The following CDK6 variants were observed in gnomAD, a reference collection of about 807,000 sequenced individuals.
CDK6 encodes the protein cyclin dependent kinase 6.
In CDK6, 6 loss-of-function variants were observed where a neutral mutation model predicts 37.1. The ratio of observed to expected loss-of-function variants is 0.16; its 90% confidence interval spans 0.09 to 0.32. The LOEUF (loss-of-function observed/expected upper bound fraction) is 0.32, where lower values mean the gene tolerates loss of function less well. Ranked by LOEUF, CDK6 falls within the 10% of genes least tolerant of loss-of-function variation. CDK6 has a pLI of 1.00. For synonymous variants in CDK6, 160 were observed against 161.3 expected (o/e 0.99, Z 0.06); for missense variants, 224 against 418.9 (o/e 0.53, Z 4.06).
rs1373837853 is a variant in CDK6, at chr7:92,779,541, A to T, written c.234-4710T>A. Among the ~76,000 whole-genome samples, 3 of 152,194 alleles carry T rather than the reference A, an allele frequency of 2.0e-5. No homozygotes were observed. The East Asian group carries it at 5.8e-4, about 29-fold the overall frequency. ...TTAAGGTGCCATTATTATTAACTTC[A>T]TTCAGGAAATGGAGCATATTAGAGA... is the stretch of plus-strand genomic sequence containing the variant. On this transcript the variant is annotated intron_variant, in intron 2 of 7. Transcript: ENST00000424848.
At chr7:92,824,867 G>A (rs1377313040) in intron 2 of CDK6, among the ~76,000 whole-genome samples, 1 of 152,068 alleles carries the variant, frequency 6.6e-6, no homozygotes, top group Admixed American at 6.5e-5. Flanking sequence ...TTTATTGTGG[G>A]GATATGGCAG....
intron 3 of CDK6, among the ~76,000 whole-genome samples, chr7:92,733,284 A>G (rs1798696711): frequency 6.6e-6 from 1 of 151,864 alleles, no homozygotes; most frequent in African/African-American, 2.4e-5. Flanking sequence ...CATCACTATC[A>G]TTTACTGTCA....
At chr7:92,830,506 C>T (rs1382318102) in intron 2 of CDK6, among the ~76,000 whole-genome samples, 2 of 152,070 alleles carry the variant, frequency 1.3e-5, no homozygotes, top group Non-Finnish European at 2.9e-5. Context: ...AAAACTAATC[C>T]CAGGGGCAAT....
At chr7:92,817,141 C>T (rs2115965680) in intron 2 of CDK6, among the ~76,000 whole-genome samples, 1 of 151,958 alleles carries the variant, frequency 6.6e-6, no homozygotes. Flanking sequence ...CAATCCTACA[C>T]AAAATCTTTC....
In CDK6 at chr7:92,605,467, T is replaced by C. The variant is rs1475010696; in HGVS notation, c.*9673A>G. On this transcript the variant is annotated 3_prime_UTR_variant, in exon 8 of 8. Transcript: ENST00000424848. ...ACTTTTAAAACCAGATTTTTAATGA[T>C]AGGGTACTTAAAGTTTTGGTGGTCC... is the stretch of plus-strand genomic sequence containing the variant. The C allele has an allele frequency of 1.3e-5, 3 of 232,954 alleles. No homozygotes were observed. In the East Asian group the frequency reaches 1.8e-4, roughly 14 times the overall value. The allele number at this position is 232,954 out of a possible 1,614,324, so 14.4% of individuals were successfully genotyped here.
At chr7:92,819,545 C>T (rs565908547) in intron 2 of CDK6, among the ~76,000 whole-genome samples, 2 of 152,006 alleles carry the variant, frequency 1.3e-5, no homozygotes, top group South Asian at 4.1e-4. Context: ...ACCTTTAGCT[C>T]GTTTTGACTT....
intron 4 of CDK6, among the ~76,000 whole-genome samples, chr7:92,722,263 C>T (rs1035755751): frequency 5.3e-5 from 8 of 152,084 alleles, no homozygotes; most frequent in Non-Finnish European, 8.8e-5. Context: ...AATATGACTC[C>T]TCTTCTAAAA....
At chr7:92,683,605 T>C (rs143888778) in intron 4 of CDK6, among the ~76,000 whole-genome samples, 1 of 152,184 alleles carries the variant, frequency 6.6e-6, no homozygotes, top group Non-Finnish European at 1.5e-5. Flanking sequence ...CACTCCCATC[T>C]GAAATGGGTC....
At chr7:92,780,763 C>CAAAAAAAA (rs1190033630) in intron 2 of CDK6, among the ~76,000 whole-genome samples, 13 of 47,082 alleles carry the variant, frequency 2.8e-4, no homozygotes, top group East Asian at 1.1e-3. Flanking sequence ...GACTCCATCT[C>CAAAAAAAA]AAAAAAAAAA....
At chr7:92,811,935 G>C (rs1049015365) in intron 2 of CDK6, among the ~76,000 whole-genome samples, 2 of 152,178 alleles carry the variant, frequency 1.3e-5, no homozygotes, top group African/African-American at 4.8e-5. Context: ...GGAGGATCAT[G>C]AGGTCAGGAG....
chr7:92,775,432 T>C (rs1174504540), intron 2 of CDK6, among the ~76,000 whole-genome samples: 2 of 152,250 alleles, frequency 1.3e-5, no homozygotes, highest in Non-Finnish European at 2.9e-5. Flanking sequence ...TAATCAACAT[T>C]GTAAAATTTA....
chr7:92,637,459 A>C (rs1796199272), intron 5 of CDK6, among the ~76,000 whole-genome samples: 1 of 152,200 alleles, frequency 6.6e-6, no homozygotes. Flanking sequence ...ATGAATTTTA[A>C]GGAAATATGT....
intron 3 of CDK6, among the ~76,000 whole-genome samples, chr7:92,732,629 G>T (rs1256944812): frequency 6.6e-6 from 1 of 152,198 alleles, no homozygotes; most frequent in African/African-American, 2.4e-5. Flanking sequence ...CTGGTTGTCA[G>T]CCATGAAGAC....
chr7:92,791,592 C>G (rs985568741), intron 2 of CDK6, among the ~76,000 whole-genome samples: 2 of 152,090 alleles, frequency 1.3e-5, no homozygotes, highest in Admixed American at 1.3e-4. Flanking sequence ...AATAGACAGG[C>G]TTGCCCTGGC....
At chr7:92,764,846 GA>G (rs1799540656) in intron 3 of CDK6, among the ~76,000 whole-genome samples, 1 of 152,206 alleles carries the variant, frequency 6.6e-6, no homozygotes, top group South Asian at 2.1e-4. Context: ...TGAGGAATAA[GA>G]TACTATCTCA....
At chr7:92,827,495 A>G (rs375743030) in intron 2 of CDK6, among the ~76,000 whole-genome samples, 1 of 152,266 alleles carries the variant, frequency 6.6e-6, no homozygotes. Context: ...GAGCAGCTAC[A>G]TGTGCAGCTG....
At chr7:92,832,590 T>A (rs980330898) in intron 2 of CDK6, among the ~76,000 whole-genome samples, 1 of 152,202 alleles carries the variant, frequency 6.6e-6, no homozygotes, top group East Asian at 1.9e-4. Context: ...AATATTATGA[T>A]GTTTCTGCAT....
chr7:92,725,224 CTG>C, intron 4 of CDK6: 1 of 985,432 alleles, frequency 1.0e-6, no homozygotes, highest in African/African-American at 1.7e-5. Flanking sequence ...TGTAGGCACT[CTG>C]TTTCTCAAAA....
intron 2 of CDK6, among the ~76,000 whole-genome samples, chr7:92,785,914 A>G (rs1800119832): frequency 6.6e-6 from 1 of 152,228 alleles, no homozygotes; most frequent in African/African-American, 2.4e-5. Flanking sequence ...TTAAAAAGCG[A>G]AGACTGCTGA....
Sources: gnomAD v4.1 joint callset for allele counts (sites outside exome capture counted in the v4.1 genomes callset) on GRCh38, gnomAD v4.1.1 for gene constraint, MANE v1.5 for transcripts, NCBI Gene and HGNC (gene_info 2026-07-23, HGNC 2026-07-21) for gene names.